PCM1: variants seen among roughly 807,000 people sequenced by gnomAD.
PCM1 encodes the protein pericentriolar material 1, also known as pericentriolar material 1 protein.
In PCM1, 157 loss-of-function variants were observed where a neutral mutation model predicts 241.9. The ratio of observed to expected loss-of-function variants is 0.65; its 90% CI spans 0.57 to 0.74. The LOEUF is 0.74. Among genes scored for constraint, PCM1 ranks in the 30% least tolerant of loss-of-function variants. The probability of loss-of-function intolerance (pLI) is 0.00; values close to 1 mark genes in which losing one functional copy is unlikely to be tolerated. For missense variants in PCM1, 3,478 were observed against 2,360.1 expected, an observed-to-expected ratio of 1.47 and a Z score of -9.81; for synonymous variants, 1,085 against 784.9, an observed-to-expected ratio of 1.38 and a Z score of -6.39.
At chr8:17,974,832 C>T (rs1205757914) in intron 23 of PCM1, among the ~76,000 whole-genome samples, 1 of 151,234 alleles carries the variant, frequency 6.6e-6, no homozygotes, top group Non-Finnish European at 1.5e-5. Context: ...TCAAGACCAT[C>T]TGTCAGTGAG....
At chr8:18,013,747 A>T (rs10103879) in intron 34 of PCM1, 232,100 of 476,192 alleles carry the variant, frequency 0.49, 59,721 homozygotes, top group Non-Finnish European at 0.57. Flanking sequence ...GTTGTATTAT[A>T]CTGTGTGTGT....
intron 23 of PCM1, among the ~76,000 whole-genome samples, chr8:17,979,978 A>G (rs1269195952): frequency 2.0e-5 from 3 of 151,992 alleles, no homozygotes; most frequent in Admixed American, 1.3e-4. Flanking sequence ...AACCCCAAAT[A>G]TTGGAATTTA....
intron 6 of PCM1, among the ~76,000 whole-genome samples, chr8:17,946,891 C>T (rs964213206): frequency 3.1e-4 from 47 of 149,548 alleles, no homozygotes; most frequent in Admixed American, 1.3e-4. Flanking sequence ...CCGTGTCCCT[C>T]TTGGCCTTTT....
chr8:17,938,896 G>C lies in PCM1; in HGVS notation c.499G>C (p.Gly167Arg). 1 of 1,613,726 alleles carries C rather than the reference G, an allele frequency of 6.2e-7. No homozygotes were observed. Among genetic ancestry groups the C allele is most frequent in the Non-Finnish European group, 8.5e-7 (1 of 1,179,636 alleles). The change falls in exon 5 of 39, where the codon GGA becomes CGA. Residue 167 changes from glycine to arginine, a missense_variant. Transcript: ENST00000325083. ...STNPPNRETI[G>R]SAQCKELFAS... ...AAACCCCCCAAACAGAGAAACGATT[G>C]GATCAGCACAGTGTAAAGAGTTGTT... is the stretch of plus-strand genomic sequence containing the variant.
chr8:17,926,669 T>C (rs879396674), intron 2 of PCM1: 3 of 152,248 alleles, frequency 2.0e-5, no homozygotes, highest in Non-Finnish European at 4.4e-5. Context: ...AAGTGAAGGA[T>C]GCTAGCTAGC....
chr8:17,979,495 C>G (rs1484178233), intron 23 of PCM1, among the ~76,000 whole-genome samples: 2 of 152,060 alleles, frequency 1.3e-5, no homozygotes, highest in African/African-American at 4.8e-5. Context: ...GTTGTAATAT[C>G]CAGTAGCATG....
Position 17,947,253 on chromosome 8 carries a change from A to G in PCM1, c.851A>G (p.Lys284Arg). 3.1e-6 allele frequency: 5 copies of G among 1,611,168 alleles called. No homozygotes were observed. Among genetic ancestry groups the G allele is most frequent in the Non-Finnish European group, 4.2e-6 (5 of 1,177,568 alleles). ...TTGAAGAAACAACATGATTTATTAAAAAGAATGTTACAACAGCAGGAGCAA... is the reference window on the plus strand; with the variant it reads ...TTGAAGAAACAACATGATTTATTAAGAAGAATGTTACAACAGCAGGAGCAA... ...ENLKKQHDLL[K>R]RMLQQQEQLR... Residue 284 changes from lysine (K) to arginine (R), a missense_variant, in exon 7 of 39, where the codon AAA becomes AGA. By Grantham distance (26) the Lys-to-Arg change is conservative (BLOSUM62 2). Transcript: ENST00000325083.
intron 23 of PCM1, among the ~76,000 whole-genome samples, chr8:17,978,742 A>T (rs771896655): frequency 6.6e-6 from 1 of 150,582 alleles, no homozygotes; most frequent in Non-Finnish European, 1.5e-5. Flanking sequence ...AAGACAGAGA[A>T]CAGTTTAATA....
intron 6 of PCM1, among the ~76,000 whole-genome samples, chr8:17,946,070 C>T (rs78204397): frequency 0.017 from 2,568 of 152,136 alleles, 38 homozygotes; most frequent in South Asian, 0.043. Context: ...TTAAATTTGT[C>T]TCTGCTTTGC....
intron 36 of PCM1, among the ~76,000 whole-genome samples, chr8:18,018,901 T>TATAC (rs1564429004): frequency 7.9e-5 from 10 of 125,852 alleles, no homozygotes; most frequent in South Asian, 5.0e-4. Context: ...TACATACACA[T>TATAC]ATATATATAT....
chr8:17,993,192 T>A (rs1436792967), intron 28 of PCM1, among the ~76,000 whole-genome samples: 1 of 152,050 alleles, frequency 6.6e-6, no homozygotes, highest in Non-Finnish European at 1.5e-5. Flanking sequence ...GTGTCTCCAA[T>A]GTTATCTTCT....
intron 29 of PCM1, 141 bp downstream of exon 29, chr8:17,993,760 C>A: frequency 1.6e-6 from 1 of 606,256 alleles, no homozygotes; most frequent in Non-Finnish European, 2.7e-6. Flanking sequence ...TTCACCCTAC[C>A]AACATTCTCT....
chr8:17,936,857 C>T (rs899198377), intron 3 of PCM1, among the ~76,000 whole-genome samples: 28 of 152,022 alleles, frequency 1.8e-4, no homozygotes, highest in African/African-American at 6.5e-4. Flanking sequence ...TGGAAATATT[C>T]AGATTGATTT....
At chr8:17,950,351 G>T (rs539063734) in intron 7 of PCM1, among the ~76,000 whole-genome samples, 2 of 152,142 alleles carry the variant, frequency 1.3e-5, no homozygotes, top group South Asian at 4.2e-4. Flanking sequence ...CTATTAATTG[G>T]AATGTAATAG....
intron 36 of PCM1, among the ~76,000 whole-genome samples, chr8:18,015,990 G>C (rs1386432437): frequency 6.6e-6 from 1 of 152,208 alleles, no homozygotes; most frequent in Non-Finnish European, 1.5e-5. Flanking sequence ...CTGGGTTCAG[G>C]TGATTCTCCT....
At chr8:17,991,826 A>G in intron 28 of PCM1, 126 bp downstream of exon 28, 1 of 601,678 alleles carries the variant, frequency 1.7e-6, no homozygotes, top group Admixed American at 3.3e-5. Context: ...CACTGTACCC[A>G]GTGTGTATTG....
At chr8:17,964,956 A>G (rs557820738) in intron 18 of PCM1, among the ~76,000 whole-genome samples, 188 bp downstream of exon 18, 2 of 152,052 alleles carry the variant, frequency 1.3e-5, no homozygotes, top group Non-Finnish European at 2.9e-5. Context: ...GACTGCCCTC[A>G]CCTCAGACTT....
At chr8:17,985,330 A>G in intron 24 of PCM1, 117 bp from the exon 25 acceptor site, 1 of 606,430 alleles carries the variant, frequency 1.6e-6, no homozygotes, top group East Asian at 3.1e-5. Flanking sequence ...CTGAAATAGA[A>G]TTGTCTAAAA....
chr8:17,924,428 A>C (rs556362938), intron 1 of PCM1, among the ~76,000 whole-genome samples: 14 of 152,334 alleles, frequency 9.2e-5, no homozygotes, highest in Admixed American at 8.5e-4. Flanking sequence ...ATAGACTATT[A>C]AAGGATAGTT....
Sources: gnomAD v4.1 joint callset for allele counts (sites outside exome capture counted in the v4.1 genomes callset) on GRCh38, gnomAD v4.1.1 for gene constraint, MANE v1.5 for transcripts, NCBI Gene and HGNC (gene_info 2026-07-23, HGNC 2026-07-21) for gene names.